GABRB2: variants seen among roughly 807,000 people sequenced by gnomAD.
GABRB2 encodes the protein gamma-aminobutyric acid type A receptor subunit beta2, also known as gamma-aminobutyric acid receptor subunit beta-2.
A neutral mutation model predicts 54.7 loss-of-function variants in GABRB2; 16 were observed. The observed-to-expected ratio is 0.29, with a 90% CI of 0.20 to 0.44. GABRB2 has a LOEUF of 0.44. Ranked by LOEUF, GABRB2 falls within the 20% of genes least tolerant of loss-of-function variation. GABRB2 has a pLI of 1.00. For missense variants in GABRB2, 355 were observed against 644.0 expected (o/e 0.55, Z 4.86); for synonymous variants, 244 against 233.8 (o/e 1.04, Z -0.40).
intron 3 of GABRB2, among the ~76,000 whole-genome samples, chr5:161,461,535 C>T (rs192729536): frequency 6.6e-4 from 100 of 152,220 alleles, no homozygotes; most frequent in Non-Finnish European, 1.1e-3. Flanking sequence ...AACTCAAATG[C>T]AATTTGTAAA....
At position 161,345,880 on chromosome 5, in the gene GABRB2, G is replaced by A. The variant is rs547851190; in HGVS notation, c.542-9111C>T. On this transcript the variant is annotated intron_variant, in intron 5 of 9. Transcript: ENST00000393959. The stretch of plus-strand genomic sequence containing the variant: ...CTTAATACAGGTCTTAATTCAGAGT[G>A]GCATTCACACAAGTTTTTCTGAACT... Among the ~76,000 whole-genome samples the A allele has an allele frequency of 1.2e-4, 18 of 152,098 alleles. No individual in the cohort carries two copies. The South Asian group carries it at 3.7e-3, about 32-fold the overall frequency.
intron 5 of GABRB2, among the ~76,000 whole-genome samples, chr5:161,349,588 G>A (rs966976169): frequency 6.6e-6 from 1 of 152,028 alleles, no homozygotes; most frequent in Non-Finnish European, 1.5e-5. Context: ...CTGAGATTAG[G>A]TTATAAAAAG....
At chr5:161,534,295 A>G (rs767770224) in intron 3 of GABRB2, among the ~76,000 whole-genome samples, 4 of 152,164 alleles carry the variant, frequency 2.6e-5, no homozygotes, top group Non-Finnish European at 5.9e-5. Context: ...TAGCCCTGAC[A>G]AGAGAGAATT....
At chr5:161,535,954 C>G (rs1170713485) in intron 3 of GABRB2, among the ~76,000 whole-genome samples, 1 of 152,108 alleles carries the variant, frequency 6.6e-6, no homozygotes, top group African/African-American at 2.4e-5. Flanking sequence ...GGTACCTCCC[C>G]CTACTGGCTT....
chr5:161,377,511 CT>C (rs1212273570), intron 5 of GABRB2, among the ~76,000 whole-genome samples: 1 of 151,966 alleles, frequency 6.6e-6, no homozygotes, highest in African/African-American at 2.4e-5. Context: ...ATCATTCTAC[CT>C]GAAAAGATTT....
intron 3 of GABRB2, among the ~76,000 whole-genome samples, chr5:161,471,162 C>G (rs188399351): frequency 1.3e-5 from 2 of 151,972 alleles, no homozygotes; most frequent in African/African-American, 4.8e-5. Context: ...CAAGGTCCCA[C>G]AGCTGGGAAT....
At chr5:161,327,694 C>A (rs1490137608) in intron 8 of GABRB2, among the ~76,000 whole-genome samples, 1 of 152,146 alleles carries the variant, frequency 6.6e-6, no homozygotes, top group African/African-American at 2.4e-5. Context: ...CCCTCCCTGA[C>A]CTCAGGACAG....
chr5:161,403,934 A>G (rs1229535738), intron 5 of GABRB2, among the ~76,000 whole-genome samples: 1 of 152,174 alleles, frequency 6.6e-6, no homozygotes, highest in African/African-American at 2.4e-5. Context: ...CATTAAACAA[A>G]TATGATTTCT....
Position 161,475,523 on chromosome 5 carries a change from A to T in GABRB2, c.238-15679T>A, listed in dbSNP as rs146950585. The stretch of plus-strand genomic sequence containing the variant: ...GTCAAAGACACTATGGGGAAAGAAG[A>T]CTAGAGACCAATATTGAATATTGAT... On this transcript the variant is annotated intron_variant, in intron 3 of 9. Transcript: ENST00000393959. Among the ~76,000 whole-genome samples, 3 of 152,048 alleles carry T rather than the reference A, an allele frequency of 2.0e-5. No individual in the cohort carries two copies. In the East Asian group the frequency reaches 5.8e-4, roughly 30 times the overall value.
chr5:161,348,225 T>C (rs1261770766), intron 5 of GABRB2, among the ~76,000 whole-genome samples: 1 of 152,072 alleles, frequency 6.6e-6, no homozygotes, highest in African/African-American at 2.4e-5. Context: ...TGTTAGGAAT[T>C]AAAACATAAA....
At chr5:161,439,033 A>C (rs1757387611) in intron 4 of GABRB2, among the ~76,000 whole-genome samples, 1 of 152,202 alleles carries the variant, frequency 6.6e-6, no homozygotes. Context: ...GACAGATAAT[A>C]TCCAAGTACA....
At chr5:161,418,870 T>A (rs916123891) in intron 4 of GABRB2, among the ~76,000 whole-genome samples, 2 of 152,226 alleles carry the variant, frequency 1.3e-5, no homozygotes, top group African/African-American at 4.8e-5. Flanking sequence ...CTCACACCTA[T>A]AATCCCAGCA....
At chr5:161,478,660 AT>A (rs953169389) in intron 3 of GABRB2, among the ~76,000 whole-genome samples, 1 of 152,004 alleles carries the variant, frequency 6.6e-6, no homozygotes, top group Admixed American at 6.6e-5. Flanking sequence ...TTCCACCTAG[AT>A]TTCCATGAAT....
intron 5 of GABRB2, among the ~76,000 whole-genome samples, chr5:161,398,018 GA>G (rs1265304967): frequency 9.4e-5 from 2 of 21,316 alleles, no homozygotes; most frequent in African/African-American, 1.6e-4. Context: ...ATAGATGATA[GA>G]TAGATAGATA....
Position 161,291,191 on chromosome 5 carries a change from T to G in GABRB2, c.*2890A>C, listed in dbSNP as rs970093284. 13 of 152,416 alleles carry G rather than the reference T, an allele frequency of 8.5e-5. No individual in the cohort carries two copies. The highest frequency in any genetic ancestry group is 3.1e-4 in the African/African-American group (13 of 41,388). The allele number at this position is 152,416 out of a possible 1,614,324, so 9.4% of individuals were successfully genotyped here. ...TTCATGTAGACTGTGCATTTTAGAGTCAGAATTTGTCCATGAATTTCACAA... is the reference window on the plus strand; with the variant it reads ...TTCATGTAGACTGTGCATTTTAGAGGCAGAATTTGTCCATGAATTTCACAA... On this transcript the variant is annotated 3_prime_UTR_variant, in exon 10 of 10. Coordinates refer to ENST00000393959, the MANE Select transcript of GABRB2 (RefSeq NM_001371727.1).
intron 4 of GABRB2, among the ~76,000 whole-genome samples, chr5:161,429,155 T>G (rs913638925): frequency 6.6e-6 from 1 of 150,822 alleles, no homozygotes; most frequent in African/African-American, 2.4e-5. Flanking sequence ...GAAACCAGTC[T>G]GGCCAACATG....
chr5:161,534,727 T>C (rs1239333730), intron 3 of GABRB2, among the ~76,000 whole-genome samples: 1 of 152,114 alleles, frequency 6.6e-6, no homozygotes, highest in Non-Finnish European at 1.5e-5. Context: ...ATTCTAGAGA[T>C]GTAAACTTTA....
intron 3 of GABRB2, 126 bp from the exon 4 acceptor site, chr5:161,459,970 G>A (rs1375383550): frequency 5.1e-6 from 3 of 588,854 alleles, no homozygotes; most frequent in Non-Finnish European, 5.7e-6. Context: ...TTTGAGACAG[G>A]GTCTCACTCT....
At chr5:161,467,609 T>C (rs1758316273) in intron 3 of GABRB2, among the ~76,000 whole-genome samples, 1 of 152,062 alleles carries the variant, frequency 6.6e-6, no homozygotes, top group Admixed American at 6.6e-5. Flanking sequence ...AGTATTTCAG[T>C]TTTTTTGTCA....
Sources: gnomAD v4.1 joint callset for allele counts (sites outside exome capture counted in the v4.1 genomes callset) on GRCh38, gnomAD v4.1.1 for gene constraint, MANE v1.5 for transcripts, NCBI Gene and HGNC (gene_info 2026-07-23, HGNC 2026-07-21) for gene names.